PZP: variants seen among roughly 807,000 people sequenced by gnomAD.
PZP encodes the protein PZP alpha-2-macroglobulin like.
A neutral mutation model predicts 179.8 loss-of-function variants in PZP; 150 were observed. The observed-to-expected ratio is 0.83, with a 90% CI of 0.73 to 0.96. The LOEUF (loss-of-function observed/expected upper bound fraction) is 0.96. Ranked by LOEUF, PZP falls within the 40% of genes least tolerant of loss-of-function variation. The pLI is 0.00. For synonymous variants in PZP, 624 were observed against 652.3 expected, an observed-to-expected ratio of 0.96 and a Z score of 0.66; for missense variants, 1,689 against 1,764.0, an observed-to-expected ratio of 0.96 and a Z score of 0.76.
At chr12:9,179,138 TC>T (rs1942589137) in intron 15 of PZP, among the ~76,000 whole-genome samples, 1 of 152,186 alleles carries the variant, frequency 6.6e-6, no homozygotes, top group Non-Finnish European at 1.5e-5. Context: ...GTTAAAAAGT[TC>T]CAAACACGAG....
chr12:9,172,773 C>G (rs1346100266), intron 15 of PZP, among the ~76,000 whole-genome samples: 10 of 151,078 alleles, frequency 6.6e-5, no homozygotes, highest in Admixed American at 5.2e-4. Flanking sequence ...ACCAGAAGAG[C>G]TAACTATCCT....
intron 17 of PZP, 79 bp from the exon 18 acceptor site, chr12:9,166,281 A>G: frequency 6.9e-7 from 1 of 1,456,502 alleles, no homozygotes; most frequent in Non-Finnish European, 9.3e-7. Context: ...TTAGAGAACA[A>G]AATTTTCAGT....
chr12:9,196,701 A>G lies in PZP; in HGVS notation c.868-16T>C, dbSNP rs1482127965. 3 of 1,547,232 alleles carry G rather than the reference A, an allele frequency of 1.9e-6. No individual in the cohort carries two copies. In the South Asian group the frequency reaches 3.4e-5, roughly 17 times the overall value. On this transcript the variant is annotated splice_polypyrimidine_tract_variant and intron_variant, in intron 8 of 35. Coordinates refer to ENST00000261336, the MANE Select transcript of PZP (RefSeq NM_002864.3). ...TGCTGTTAAGCTGAGAAAAATACCA[A>G]AACCAATAAATGTCAAACTGATTGA...
chr12:9,165,581 T>A (rs1720206970), intron 18 of PZP, among the ~76,000 whole-genome samples: 1 of 152,174 alleles, frequency 6.6e-6, no homozygotes. Context: ...CAACAAATGA[T>A]CATATCCCAC....
intron 13 of PZP, among the ~76,000 whole-genome samples, chr12:9,185,773 T>C (rs766444221): frequency 3.3e-5 from 5 of 151,360 alleles, no homozygotes; most frequent in Admixed American, 2.6e-4. Context: ...ATAAGAGATT[T>C]GGGGCCTATG....
intron 8 of PZP, 62 bp downstream of exon 8, chr12:9,196,950 T>C (rs948453324): frequency 1.6e-6 from 2 of 1,264,056 alleles, no homozygotes; most frequent in African/African-American, 3.0e-5. Flanking sequence ...TTCTAGTTAG[T>C]AAAATGGAGT....
chr12:9,194,360 C>T, intron 10 of PZP, 122 bp from the exon 11 acceptor site: 1 of 801,006 alleles, frequency 1.2e-6, no homozygotes, highest in South Asian at 2.2e-5. Flanking sequence ...AAAACCCCAC[C>T]AAACCTTCAT....
At position 9,202,356 on chromosome 12, in the gene PZP, A is replaced by G. The variant is rs773879399; in HGVS notation, c.443T>C (p.Val148Ala). The G allele has an allele frequency of 6.2e-7, 1 of 1,614,146 alleles. No homozygotes were observed. The highest frequency in any genetic ancestry group is 8.5e-7 in the Non-Finnish European group (1 of 1,180,018). Reference protein sequence around the residue: ...KPGQTVRFRVVSVDENFRPRN... With the variant: ...KPGQTVRFRVASVDENFRPRN... ...AGGGCGAAAATTTTCATCCACGGAG[A>G]CAACACGGAATCTTACTGGAAAAGT... The change falls in exon 4 of 36, where the codon GTC (valine) becomes GCC (alanine). Residue 148 changes from valine to alanine, a missense_variant. Coordinates refer to ENST00000261336, the MANE Select transcript of PZP (RefSeq NM_002864.3).
At position 9,163,659 on chromosome 12, in the gene PZP, A is replaced by G; in HGVS notation, c.2736+9T>C. On this transcript the variant is annotated intron_variant, in intron 21 of 35. Coordinates refer to ENST00000261336, the MANE Select transcript of PZP (RefSeq NM_002864.3). ...TTACAGTTGTTAGGGACTCCCAAAA[A>G]TATGTTACCTCCACCAACAGGGTTT... The G allele has an allele frequency of 6.2e-7, 1 of 1,612,346 alleles. No homozygotes were observed. The highest frequency in any genetic ancestry group is 8.5e-7 in the Non-Finnish European group (1 of 1,179,204).
At position 9,163,663 on chromosome 12, in the gene PZP, G is replaced by A. The variant is rs772210127; in HGVS notation, c.2736+5C>T. The A allele has an allele frequency of 2.5e-6, 4 of 1,612,496 alleles. No individual in the cohort carries two copies. The highest frequency in any genetic ancestry group is 1.1e-5 in the South Asian group (1 of 90,900). ...AGTTGTTAGGGACTCCCAAAAATATGTTACCTCCACCAACAGGGTTTTGAT... is the reference window on the plus strand; with the variant it reads ...AGTTGTTAGGGACTCCCAAAAATATATTACCTCCACCAACAGGGTTTTGAT... On this transcript the variant is annotated splice_donor_5th_base_variant and intron_variant, in intron 21 of 35. Coordinates refer to ENST00000261336, the MANE Select transcript of PZP (RefSeq NM_002864.3).
chr12:9,176,374 G>T (rs1225412800), intron 15 of PZP, among the ~76,000 whole-genome samples: 2 of 152,134 alleles, frequency 1.3e-5, no homozygotes, highest in Non-Finnish European at 2.9e-5. Flanking sequence ...GTGATGGGTT[G>T]ATCTGTGCAG....
At chr12:9,193,798 G>A (rs1402161033) in intron 11 of PZP, among the ~76,000 whole-genome samples, 1 of 152,108 alleles carries the variant, frequency 6.6e-6, no homozygotes, top group African/African-American at 2.4e-5. Flanking sequence ...ATGAATTACT[G>A]AAGCAGCTGA....
intron 1 of PZP, among the ~76,000 whole-genome samples, chr12:9,206,125 C>G (rs1024274095): frequency 6.6e-6 from 1 of 152,128 alleles, no homozygotes; most frequent in Non-Finnish European, 1.5e-5. Context: ...TTTCTGGTAT[C>G]TGGATGCTTC....
At position 9,194,073 on chromosome 12, in the gene PZP, T is replaced by G; in HGVS notation, c.1254+4A>C. 6.2e-7 allele frequency: 1 copy of G among 1,611,880 alleles called. No individual in the cohort carries two copies. Among genetic ancestry groups the G allele is most frequent in the Non-Finnish European group, 8.5e-7 (1 of 1,178,296 alleles). On this transcript the variant is annotated splice_donor_region_variant and intron_variant, in intron 11 of 35. Transcript: ENST00000261336. Reference sequence around the variant, plus strand: ...TCCTCAGAGATTTGTCTTTCTATACTTACCCGGACAAAAAGTTTATTAACC... The same window carrying G: ...TCCTCAGAGATTTGTCTTTCTATACGTACCCGGACAAAAAGTTTATTAACC...
rs1164651210 is a variant in PZP, at chr12:9,157,351, G to A, written c.3374C>T (p.Pro1125Leu). The change falls in exon 28 of 36, where the codon CCT becomes CTT. Residue 1125 changes from proline (P) to leucine (L), a missense_variant. Coordinates refer to ENST00000261336, the MANE Select transcript of PZP (RefSeq NM_002864.3). Reference protein sequence around the residue: ...LLEIPLPVTNPIVRNALFCLE... With the variant: ...LLEIPLPVTNLIVRNALFCLE... ...GCAGAACAGGGCATTGCGAACAATA[G>A]GGTTCTGTAAAGGCAAAATGTGGTT... 1.2e-6 allele frequency: 2 copies of A among 1,612,216 alleles called. No individual in the cohort carries two copies. Among genetic ancestry groups the A allele is most frequent in the Non-Finnish European group, 1.7e-6 (2 of 1,179,114 alleles).
intron 13 of PZP, among the ~76,000 whole-genome samples, chr12:9,185,626 C>T (rs754086320): frequency 1.0e-3 from 155 of 150,730 alleles, no homozygotes; most frequent in Non-Finnish European, 1.9e-3. Flanking sequence ...CTAAGACACA[C>T]AATCATCAGA....
Position 9,159,994 on chromosome 12 carries a change from T to A in PZP, c.3081A>T (p.Gln1027His). ...CCCCAAAGGTGCTGTAGGAGCCATC[T>A]TGGTGTTTGTAGTTCAGCTGTCTCT... ...GYQRQLNYKH[Q>H]DGSYSTFGER... The change falls in exon 25 of 36, where the codon CAA (glutamine) becomes CAT (histidine). Residue 1027 changes from glutamine to histidine, a missense_variant. By Grantham distance (24) the Gln-to-His change is conservative. Around this residue, in one of 3 missense-constraint regions of PZP, gnomAD observed 746 missense variants for 749.2 expected, o/e 1.00. Transcript: ENST00000261336. The A allele has an allele frequency of 1.2e-6, 2 of 1,614,030 alleles. No homozygotes were observed. Among genetic ancestry groups the A allele is most frequent in the South Asian group, 1.1e-5 (1 of 91,070 alleles).
intron 1 of PZP, among the ~76,000 whole-genome samples, chr12:9,205,920 AGTCTT>A (rs1382313045): frequency 6.6e-6 from 1 of 152,192 alleles, no homozygotes; most frequent in Non-Finnish European, 1.5e-5. Context: ...CCAGCACACC[AGTCTT>A]GCTACATGTG....
Position 9,194,300 on chromosome 12 carries a change from T to C in PZP, c.1093-62A>G, listed in dbSNP as rs780135503. 9 of 1,495,016 alleles carry C rather than the reference T, an allele frequency of 6.0e-6. 1 individual carries two copies. Among genetic ancestry groups the C allele is most frequent in the Admixed American group, 1.9e-5 (1 of 51,674 alleles). The allele number at this position is 1,495,016 out of a possible 1,614,324, so 92.6% of individuals were successfully genotyped here. A position where few individuals can be genotyped will look rare whatever the true frequency, so the allele number is the denominator to read the frequency against. ...ACACCCAGAGAGGACTGAACTCATGTGAACAAATGCTTTTGCTGCTATAAC... is the reference window on the plus strand; with the variant it reads ...ACACCCAGAGAGGACTGAACTCATGCGAACAAATGCTTTTGCTGCTATAAC... On this transcript the variant is annotated intron_variant, in intron 10 of 35. Coordinates refer to ENST00000261336, the MANE Select transcript of PZP (RefSeq NM_002864.3).
Sources: allele counts gnomAD v4.1 joint callset (sites outside exome capture counted in the v4.1 genomes callset), GRCh38; gene constraint gnomAD v4.1.1; regional missense constraint gnomAD v4.1.1; transcripts MANE v1.5; gene names NCBI Gene and HGNC (gene_info 2026-07-23, HGNC 2026-07-21).